The following RBFOX1 variants were observed in gnomAD, a reference collection of about 807,000 sequenced individuals.
RBFOX1 encodes the protein RNA binding fox-1 homolog 1, also known as RNA binding protein fox-1 homolog 1.
In RBFOX1, 8 loss-of-function variants were observed where a neutral mutation model predicts 57.7. The ratio of observed to expected loss-of-function variants is 0.14; its 90% CI spans 0.08 to 0.25. The LOEUF is 0.25. Among genes scored for constraint, RBFOX1 ranks in the 10% least tolerant of loss-of-function variants. The probability of loss-of-function intolerance (pLI) is 1.00; values close to 1 mark genes in which losing one functional copy is unlikely to be tolerated. For missense variants in RBFOX1, 611 were observed against 548.5 expected, an observed-to-expected ratio of 1.11 and a Z score of -1.14; for synonymous variants, 326 against 222.4, an observed-to-expected ratio of 1.47 and a Z score of -4.15.
intron 2 of RBFOX1, among the ~76,000 whole-genome samples, chr16:6,360,744 G>A (rs767602977): frequency 6.6e-6 from 1 of 152,122 alleles, no homozygotes; most frequent in Non-Finnish European, 1.5e-5. Context: ...ATGTTAAGAA[G>A]CTATTCATTT....
chr16:6,442,869 T>C (rs1436760326), intron 2 of RBFOX1, among the ~76,000 whole-genome samples: 3 of 152,204 alleles, frequency 2.0e-5, no homozygotes, highest in Admixed American at 2.0e-4. Context: ...GAATATGATA[T>C]CAGTTTGGTG....
In RBFOX1 at chr16:5,533,961, G is replaced by A. The variant is rs137954270; in HGVS notation, c.259-64941G>A. 3.2e-3 allele frequency among the ~76,000 whole-genome samples: 490 copies of A among 152,268 alleles called. 2 individuals are homozygous for A. The highest frequency in any genetic ancestry group is 7.7e-3 in the Admixed American group (117 of 15,294). On this transcript the variant is annotated intron_variant, in intron 2 of 2. Transcript: ENST00000585867. ...GAGCAGGAATTGTTGAGACAGTGAT[G>A]AGAAGCCCACACATTCGGAGGCTAT...
intron 4 of RBFOX1, among the ~76,000 whole-genome samples, chr16:7,068,512 G>A (rs2056638578): frequency 6.6e-6 from 1 of 152,102 alleles, no homozygotes; most frequent in Non-Finnish European, 1.5e-5. Flanking sequence ...CACCATTTAA[G>A]TCCAGCTGTT....
intron 4 of RBFOX1, among the ~76,000 whole-genome samples, chr16:7,113,630 A>C (rs141239542): frequency 1.3e-3 from 205 of 152,346 alleles, no homozygotes; most frequent in African/African-American, 4.8e-3. Context: ...AATACTACAC[A>C]GTGTCTTCTG....
intron 4 of RBFOX1, among the ~76,000 whole-genome samples, chr16:7,118,998 G>A (rs1244500457): frequency 1.3e-5 from 2 of 152,122 alleles, no homozygotes; most frequent in Non-Finnish European, 2.9e-5. Flanking sequence ...AGTCAGTTCT[G>A]TGTGCCAGAG....
chr16:7,039,696 T>C (rs1253254194), intron 3 of RBFOX1, among the ~76,000 whole-genome samples: 1 of 152,184 alleles, frequency 6.6e-6, no homozygotes, highest in East Asian at 1.9e-4. Flanking sequence ...GGACACACTT[T>C]ATTGTGTGAT....
intron 4 of RBFOX1, among the ~76,000 whole-genome samples, chr16:7,490,334 C>T (rs561134844): frequency 1.3e-5 from 2 of 152,156 alleles, no homozygotes; most frequent in Non-Finnish European, 2.9e-5. Flanking sequence ...AGGGGAGGCT[C>T]AGCTCTATCA....
chr16:6,767,029 C>G (rs529404839), intron 3 of RBFOX1, among the ~76,000 whole-genome samples: 6 of 152,216 alleles, frequency 3.9e-5, no homozygotes, highest in South Asian at 2.1e-4. Context: ...ATGGCGAGGT[C>G]TTTTTCACAA....
chr16:6,261,743 C>G (rs2097702719), intron 1 of RBFOX1, among the ~76,000 whole-genome samples: 1 of 152,122 alleles, frequency 6.6e-6, no homozygotes, highest in Non-Finnish European at 1.5e-5. Flanking sequence ...AGCTTCTAAT[C>G]CCAGCACTTT....
intron 3 of RBFOX1, among the ~76,000 whole-genome samples, chr16:6,831,333 A>G (rs11077090): frequency 0.14 from 20,802 of 152,122 alleles, 1,607 homozygotes; most frequent in Admixed American, 0.2. Context: ...GTTTTTTCCA[A>G]TGTCTTATTA....
intron 12 of RBFOX1, among the ~76,000 whole-genome samples, chr16:7,664,366 T>A (rs2068622642): frequency 6.6e-6 from 1 of 152,150 alleles, no homozygotes; most frequent in Non-Finnish European, 1.5e-5. Context: ...CATAAAATAA[T>A]GCACGTGCAA....
intron 3 of RBFOX1, among the ~76,000 whole-genome samples, chr16:6,677,175 G>A (rs879128430): frequency 6.6e-6 from 1 of 152,056 alleles, no homozygotes; most frequent in African/African-American, 2.4e-5. Flanking sequence ...TTCAATGAAA[G>A]TACCAAGTTC....
intron 3 of RBFOX1, among the ~76,000 whole-genome samples, chr16:5,706,776 T>G (rs2051264232): frequency 1.3e-5 from 2 of 152,066 alleles, no homozygotes; most frequent in Admixed American, 1.3e-4. Flanking sequence ...CCCCTATGAA[T>G]TTGCAGGAAG....
chr16:5,526,942 A>G (rs971193893), intron 2 of RBFOX1, among the ~76,000 whole-genome samples: 2 of 152,208 alleles, frequency 1.3e-5, no homozygotes, highest in Non-Finnish European at 2.9e-5. Context: ...CTCTTATGCA[A>G]AATGGGAGTG....
Position 6,271,752 on chromosome 16 carries a change from T to C in RBFOX1, c.-126-45243T>C, listed in dbSNP as rs1379549436. Among the ~76,000 whole-genome samples the C allele has an allele frequency of 3.9e-5, 6 of 152,204 alleles. No individual in the cohort carries two copies. The East Asian group carries it at 1.2e-3, about 29-fold the overall frequency. Reference sequence around the variant, plus strand: ...ACAAACCATCATATTTTACTCACTGTGAAATGGATAATTTGAATGTCCTAT... The same window carrying C: ...ACAAACCATCATATTTTACTCACTGCGAAATGGATAATTTGAATGTCCTAT... On this transcript the variant is annotated intron_variant, in intron 1 of 15. Transcript: ENST00000550418.
chr16:6,496,384 G>A (rs938284691), intron 2 of RBFOX1, among the ~76,000 whole-genome samples: 1 of 152,166 alleles, frequency 6.6e-6, no homozygotes, highest in Non-Finnish European at 1.5e-5. Flanking sequence ...CTGCTTTGCG[G>A]CAGGCGTTTG....
rs138443692 is a variant in RBFOX1, at chr16:6,868,794, A to G, written c.-15-183263A>G. Among the ~76,000 whole-genome samples the G allele has an allele frequency of 1.7e-4, 26 of 152,232 alleles. No homozygotes were observed. The East Asian group carries it at 5.0e-3, about 29-fold the overall frequency. ...CCAGTATTTCTTAAAGATAGGTAAT[A>G]AGGTTGCATCTTTTTGCTCCTCGAA... On this transcript the variant is annotated intron_variant, in intron 3 of 15. Transcript: ENST00000550418.
intron 4 of RBFOX1, among the ~76,000 whole-genome samples, chr16:7,252,163 T>C (rs1254430560): frequency 6.6e-6 from 1 of 152,226 alleles, no homozygotes; most frequent in Non-Finnish European, 1.5e-5. Flanking sequence ...AGAACTCCTA[T>C]TTCTTACATC....
chr16:6,208,288 A>C (rs1209242388), intron 1 of RBFOX1, among the ~76,000 whole-genome samples: 1 of 152,126 alleles, frequency 6.6e-6, no homozygotes, highest in Non-Finnish European at 1.5e-5. Context: ...CTTTTGCTTT[A>C]TACATGTGTG....
Sources: allele counts gnomAD v4.1 joint callset (sites outside exome capture counted in the v4.1 genomes callset), GRCh38; gene constraint gnomAD v4.1.1; transcripts MANE v1.5; gene names NCBI Gene and HGNC (gene_info 2026-07-23, HGNC 2026-07-21).